Variants in LAMA3 observed in about 807,000 individuals in gnomAD.
The protein encoded by LAMA3 is laminin subunit alpha 3, also known as laminin subunit alpha-3.
A neutral mutation model predicts 402.0 loss-of-function variants in LAMA3; 281 were observed. The ratio of observed to expected loss-of-function variants is 0.70; its 90% CI spans 0.63 to 0.77. LAMA3 has a LOEUF of 0.77. Among genes scored for constraint, LAMA3 ranks in the 30% least tolerant of loss-of-function variants. The pLI is 0.00. For synonymous variants in LAMA3, 1,431 were observed against 1,558.4 expected, an observed-to-expected ratio of 0.92 and a Z score of 1.93; for missense variants, 3,840 against 4,215.5, an observed-to-expected ratio of 0.91 and a Z score of 2.47.
At chr18:23,924,318 A>AT (rs1340019292) in intron 62 of LAMA3, among the ~76,000 whole-genome samples, 1 of 151,098 alleles carries the variant, frequency 6.6e-6, no homozygotes, top group Admixed American at 6.6e-5. Flanking sequence ...TGCCTGGCTA[A>AT]TTTTTTGTAT....
rs759064195 is a variant in LAMA3, at chr18:23,867,914, C to T, written c.4764C>T (p.Val1588=). ...TGCATCATGGACGAGTGCACGTGGT[C>T]GAGGTAAAGGAAGAGCAACCATAGG... ...DRLHHGRVHV[V]EGNFRHASSR... is the part of the protein sequence containing the mutation. The change falls in exon 37 of 75, where the codon GTC becomes GTT. Residue 1588 remains valine, a synonymous_variant. Transcript: ENST00000313654. 25 of 1,613,210 alleles carry T rather than the reference C, an allele frequency of 1.5e-5. No individual in the cohort carries two copies. The highest frequency in any genetic ancestry group is 6.7e-5 in the African/African-American group (5 of 74,862).
chr18:23,694,775 A>T (rs1788787), intron 1 of LAMA3, among the ~76,000 whole-genome samples: 90,634 of 152,008 alleles, frequency 0.6, 27,506 homozygotes, highest in Middle Eastern at 0.67. Context: ...GCCATCCATT[A>T]TCATGTCTGT....
intron 41 of LAMA3, among the ~76,000 whole-genome samples, chr18:23,888,521 G>A (rs2080517125): frequency 6.6e-6 from 1 of 152,102 alleles, no homozygotes. Flanking sequence ...TCTTCATGGA[G>A]CTTATATTTT....
intron 1 of LAMA3, among the ~76,000 whole-genome samples, chr18:23,693,521 A>G (rs1361012886): frequency 1.4e-5 from 2 of 147,524 alleles, no homozygotes; most frequent in Non-Finnish European, 3.0e-5. Context: ...TGAGAGTGAG[A>G]CTCTGTATCA....
intron 43 of LAMA3, 63 bp from the exon 44 acceptor site, chr18:23,894,844 G>T: frequency 6.2e-7 from 1 of 1,605,474 alleles, no homozygotes; most frequent in Non-Finnish European, 8.5e-7. Flanking sequence ...TAGCACTTGT[G>T]GTCTTTTCGC....
At chr18:23,896,272 G>T (rs984542667) in intron 44 of LAMA3, among the ~76,000 whole-genome samples, 2 of 152,186 alleles carry the variant, frequency 1.3e-5, no homozygotes, top group Admixed American at 6.5e-5. Flanking sequence ...AGAGGCAGAG[G>T]TTGCAGTGAG....
At chr18:23,784,726 G>C (rs1378060367) in intron 12 of LAMA3, among the ~76,000 whole-genome samples, 2 of 152,132 alleles carry the variant, frequency 1.3e-5, no homozygotes, top group Non-Finnish European at 2.9e-5. Context: ...GGTCCCTAGA[G>C]CATGGCAGGT....
intron 52 of LAMA3, among the ~76,000 whole-genome samples, chr18:23,906,667 G>A (rs2081259556): frequency 6.6e-6 from 1 of 151,686 alleles, no homozygotes; most frequent in South Asian, 2.1e-4. Context: ...TCCTTCACAT[G>A]TTAAAAAATT....
chr18:23,761,281 C>G (rs1021161010), intron 7 of LAMA3, among the ~76,000 whole-genome samples: 21 of 152,106 alleles, frequency 1.4e-4, no homozygotes, highest in African/African-American at 4.8e-4. Context: ...CACATACAGC[C>G]CTTGGTGTCA....
At position 23,918,024 on chromosome 18, in the gene LAMA3, G is replaced by T; in HGVS notation, c.7923+1329G>T. On this transcript the variant is annotated intron_variant, in intron 60 of 74. Coordinates refer to ENST00000313654, the MANE Select transcript of LAMA3 (RefSeq NM_198129.4). The surrounding 1 kb of genome is among the most constrained non-coding windows in gnomAD (Gnocchi z 4.1). The stretch of plus-strand genomic sequence containing the variant: ...CAAGGGTTTTTTTTTATAGTTTTAG[G>T]TTTTACATTTAAGTTTTTAATTAGT... Among the ~76,000 whole-genome samples the T allele has an allele frequency of 1.3e-5, 2 of 152,048 alleles. No homozygotes were observed. Among genetic ancestry groups the T allele is most frequent in the African/African-American group, 4.8e-5 (2 of 41,464 alleles).
Position 23,842,416 on chromosome 18 carries a change from C to T in LAMA3, c.3358C>T (p.Arg1120Cys), listed in dbSNP as rs778909276. The T allele has an allele frequency of 4.8e-5, 78 of 1,613,942 alleles. 1 individual carries two copies. The South Asian group carries it at 6.7e-4, about 14-fold the overall frequency. Reference protein sequence around the residue: ...APQNQVTLRGRVPHLGRYVFV... With the variant: ...APQNQVTLRGCVPHLGRYVFV... ...TTAGAATCAAGTGACCCTGAGAGGA[C>T]GTGTACCACACCTGGGCCGATACGT... Residue 1120 changes from arginine to cysteine, a missense_variant, in exon 28 of 75, where the codon CGT becomes TGT. By Grantham distance (180) the Arg-to-Cys change is radical. Coordinates refer to ENST00000313654, the MANE Select transcript of LAMA3 (RefSeq NM_198129.4).
intron 12 of LAMA3, among the ~76,000 whole-genome samples, chr18:23,790,731 A>G (rs911017492): frequency 1.3e-5 from 2 of 152,194 alleles, no homozygotes; most frequent in African/African-American, 2.4e-5. Context: ...CATTTTCCCC[A>G]TGAAGATATT....
chr18:23,810,331 C>T, intron 12 of LAMA3, 35 bp from the exon 13 acceptor site: 1 of 1,613,636 alleles, frequency 6.2e-7, no homozygotes. Flanking sequence ...ATACCTGCAA[C>T]CCCCGCCTAA....
At chr18:23,768,907 C>T (rs1167230780) in intron 8 of LAMA3, among the ~76,000 whole-genome samples, 2 of 152,106 alleles carry the variant, frequency 1.3e-5, no homozygotes, top group African/African-American at 2.4e-5. Flanking sequence ...AAACGCCACA[C>T]GTTCTCACTT....
chr18:23,745,173 ATGTGTGTG>A (rs55780622), intron 2 of LAMA3, among the ~76,000 whole-genome samples: 115 of 148,930 alleles, frequency 7.7e-4, no homozygotes, highest in Non-Finnish European at 1.1e-3. Flanking sequence ...AGAATCAAAA[ATGTGTGTG>A]TGTGTGTGTG....
At chr18:23,922,370 G>C (rs2081871805) in intron 62 of LAMA3, among the ~76,000 whole-genome samples, 1 of 152,210 alleles carries the variant, frequency 6.6e-6, no homozygotes, top group African/African-American at 2.4e-5. Flanking sequence ...TTATACATCA[G>C]TTGGAAGGAA....
chr18:23,891,472 G>T (rs1386913626), intron 42 of LAMA3, among the ~76,000 whole-genome samples: 1 of 152,160 alleles, frequency 6.6e-6, no homozygotes, highest in Non-Finnish European at 1.5e-5. Flanking sequence ...TGGTCTCCAA[G>T]GGCCTTCAAT....
In LAMA3 at chr18:23,909,302, G is replaced by C; in HGVS notation, c.7158+7G>C. On this transcript the variant is annotated splice_region_variant and intron_variant, in intron 55 of 74. Coordinates refer to ENST00000313654, the MANE Select transcript of LAMA3 (RefSeq NM_198129.4). The stretch of plus-strand genomic sequence containing the variant: ...CAGAGATGCTGCCAGTAAGGTGAGT[G>C]TGTCCCCACGTGGTCAGTGGCCAAG... 2 of 1,610,176 alleles carry C rather than the reference G, an allele frequency of 1.2e-6. No individual in the cohort carries two copies. The highest frequency in any genetic ancestry group is 8.5e-7 in the Non-Finnish European group (1 of 1,179,564).
At chr18:23,755,819 G>A (rs1391336193) in intron 6 of LAMA3, among the ~76,000 whole-genome samples, 2 of 152,156 alleles carry the variant, frequency 1.3e-5, no homozygotes, top group African/African-American at 4.8e-5. Flanking sequence ...GGGGCAGAGT[G>A]GTCATCACGA....
Sources: gnomAD v4.1 joint callset for allele counts (sites outside exome capture counted in the v4.1 genomes callset) on GRCh38, gnomAD v4.1.1 for gene constraint, Gnocchi (gnomAD v3.1) non-coding constraint, MANE v1.5 for transcripts, NCBI Gene and HGNC (gene_info 2026-07-23, HGNC 2026-07-21) for gene names.